TFEB: variants seen among roughly 807,000 people sequenced by gnomAD.
The protein encoded by TFEB is T-cell transcription factor EB.
TFEB carries 12 observed loss-of-function variants against 48.0 expected under a neutral mutation model. The observed-to-expected ratio is 0.25, with a 90% CI of 0.16 to 0.40. The LOEUF (loss-of-function observed/expected upper bound fraction) is 0.40. Ranked by LOEUF, TFEB falls within the 10% of genes least tolerant of loss-of-function variation. The pLI is 1.00. For missense variants in TFEB, 509 were observed against 640.3 expected, an observed-to-expected ratio of 0.79 and a Z score of 2.21; for synonymous variants, 244 against 261.4, an observed-to-expected ratio of 0.93 and a Z score of 0.64.
At chr6:41,687,720 G>A in intron 6 of TFEB, 33 bp downstream of exon 6, 1 of 1,613,832 alleles carries the variant, frequency 6.2e-7, no homozygotes, top group Non-Finnish European at 8.5e-7. Flanking sequence ...ACAAGGAAGA[G>A]GGAGGCAGGG....
chr6:41,719,394 A>C (rs1650923594), intron 1 of TFEB, among the ~76,000 whole-genome samples: 1 of 152,218 alleles, frequency 6.6e-6, no homozygotes, highest in African/African-American at 2.4e-5. Flanking sequence ...CATCCATGGA[A>C]AAACTGTCTT....
At chr6:41,687,241 A>T in intron 6 of TFEB, 72 bp from the exon 7 acceptor site, 1 of 1,473,588 alleles carries the variant, frequency 6.8e-7, no homozygotes, top group Admixed American at 1.7e-5. Context: ...AGAAGTACCC[A>T]GCCCAGGGAG....
At chr6:41,722,011 C>T (rs1342026646) in intron 1 of TFEB, among the ~76,000 whole-genome samples, 1 of 152,176 alleles carries the variant, frequency 6.6e-6, no homozygotes, top group Non-Finnish European at 1.5e-5. Context: ...CAGAGTCTCC[C>T]TCCGTCGTTC....
chr6:41,694,621 ACT>A (rs1163111394), intron 1 of TFEB, among the ~76,000 whole-genome samples: 1 of 151,588 alleles, frequency 6.6e-6, no homozygotes, highest in East Asian at 1.9e-4. Flanking sequence ...ATGCCTACTC[ACT>A]CTAAAATCCT....
chr6:41,704,392 G>T (rs1770097607), intron 1 of TFEB, among the ~76,000 whole-genome samples: 1 of 152,248 alleles, frequency 6.6e-6, no homozygotes, highest in Non-Finnish European at 1.5e-5. Context: ...AAGGATGGCG[G>T]TAATGCCACC....
chr6:41,725,560 T>G (rs919970146), intron 1 of TFEB, among the ~76,000 whole-genome samples: 2 of 152,158 alleles, frequency 1.3e-5, no homozygotes. Context: ...AAGACCAATA[T>G]CACCTTCCAA....
intron 3 of TFEB, among the ~76,000 whole-genome samples, chr6:41,690,394 T>G (rs936786506): frequency 5.3e-5 from 8 of 152,178 alleles, no homozygotes; most frequent in Admixed American, 5.2e-4. Context: ...CCTTCCAAAG[T>G]GCTGGGATTA....
In TFEB at chr6:41,723,111, G is replaced by A. The variant is rs1319017599; in HGVS notation, c.-23+12239C>T. On this transcript the variant is annotated intron_variant, in intron 1 of 8. Transcript: ENST00000373033. The surrounding 1 kb of genome is among the most constrained non-coding windows in gnomAD (Gnocchi z 6.0). ...CATCCTGCCCATGACCTTCTCACTC[G>A]ACCCTTGAAATAAGCCTGGAGAGAT... 5.3e-5 allele frequency among the ~76,000 whole-genome samples: 8 copies of A among 152,050 alleles called. No individual in the cohort carries two copies. The highest frequency in any genetic ancestry group is 2.9e-5 in the Non-Finnish European group (2 of 68,006).
At chr6:41,690,965 G>A (rs1475272283) in intron 2 of TFEB, 36 bp downstream of exon 2, 2 of 1,567,178 alleles carry the variant, frequency 1.3e-6, no homozygotes, top group Non-Finnish European at 1.7e-6. Context: ...GGGACTAGTG[G>A]GGACAGGGTG....
chr6:41,722,105 A>G (rs1771008673), intron 1 of TFEB, among the ~76,000 whole-genome samples: 1 of 152,088 alleles, frequency 6.6e-6, no homozygotes, highest in South Asian at 2.1e-4. Flanking sequence ...TCAGCCACCC[A>G]AGTAGCTGGG....
At chr6:41,689,600 C>T in intron 4 of TFEB, 131 bp downstream of exon 4, 6 of 662,306 alleles carry the variant, frequency 9.1e-6, no homozygotes, top group Middle Eastern at 4.0e-4. Context: ...ATGAAAATGA[C>T]TCATCTCTAC....
intron 1 of TFEB, among the ~76,000 whole-genome samples, chr6:41,701,199 G>C (rs557856313): frequency 2.8e-4 from 42 of 152,174 alleles, no homozygotes; most frequent in Non-Finnish European, 2.6e-4. Context: ...CTCAGCTGCC[G>C]CTTGCAGTCT....
rs1475135579 is a variant in TFEB at position 41,691,794 on chromosome 6, T to A, written c.-22-559A>T. The stretch of plus-strand genomic sequence containing the variant: ...ACCTTCCTCAGGGGAAAAGCTAAAG[T>A]CCTTACCATGACTGGAAAGGCCCCC... On this transcript the variant is annotated intron_variant, in intron 1 of 8. Transcript: ENST00000373033. This position sits in a 1 kb window ranked among gnomAD's most constrained non-coding sequence, Gnocchi z 5.2. Among the ~76,000 whole-genome samples, 2 of 152,110 alleles carry A rather than the reference T, an allele frequency of 1.3e-5. No homozygotes were observed. Among genetic ancestry groups the A allele is most frequent in the African/African-American group, 4.8e-5 (2 of 41,414 alleles).
rs1770918288 is a variant in TFEB, at chr6:41,720,202, C to A, written c.-23+15148G>T. On this transcript the variant is annotated intron_variant, in intron 1 of 8. Coordinates refer to ENST00000373033, the MANE Select transcript of TFEB (RefSeq NM_001271944.2). The surrounding 1 kb of genome is among the most constrained non-coding windows in gnomAD (Gnocchi z 4.1). ...CACCACAGCCCCTTAAGCTGGGACT[C>A]CTGGGGTACTCAATGAAGAGTGGAG... 2.0e-5 allele frequency among the ~76,000 whole-genome samples: 3 copies of A among 152,144 alleles called. No individual in the cohort carries two copies. Among genetic ancestry groups the A allele is most frequent in the African/African-American group, 4.8e-5 (2 of 41,434 alleles).
rs1407295416 is a variant in TFEB, at chr6:41,723,860, G to C, written c.-23+11490C>G. On this transcript the variant is annotated intron_variant, in intron 1 of 8. Transcript: ENST00000373033. This position sits in a 1 kb window ranked among gnomAD's most constrained non-coding sequence, Gnocchi z 6.0. ...CCCTAGGCAGATGGAGAGACACAGA[G>C]CAGCAAGAATTTCGCCAGAGTCCCA... The C allele has an allele frequency of 2.1e-6, 1 of 487,784 alleles. No individual in the cohort carries two copies. Among genetic ancestry groups the C allele is most frequent in the Non-Finnish European group, 4.1e-6 (1 of 244,686 alleles). The allele number at this position is 487,784 out of a possible 1,614,324, so 30.2% of individuals were successfully genotyped here.
Position 41,691,042 on chromosome 6 carries a change from G to A in TFEB, c.172C>T (p.His58Tyr). The change falls in exon 2 of 9, where the codon CAC (histidine) becomes TAC (tyrosine). Residue 58 changes from histidine to tyrosine, a missense_variant. By Grantham distance (83) the His-to-Tyr change is moderately conservative. This residue lies in a region of TFEB where 251 missense variants were observed against 317.2 expected (regional missense o/e 0.79). Transcript: ENST00000373033. This position sits in a 1 kb window ranked among gnomAD's most constrained non-coding sequence, Gnocchi z 5.2. ...GGCACAGGTGGTGGCGACTGGAAGTGGACGGGGGTATTGATGGCCGGGGTG... is the reference window on the plus strand; with the variant it reads ...GGCACAGGTGGTGGCGACTGGAAGTAGACGGGGGTATTGATGGCCGGGGTG... ...PPTPAINTPV[H>Y]FQSPPPVPGE... The A allele has an allele frequency of 5.1e-6, 8 of 1,574,876 alleles. No individual in the cohort carries two copies. The highest frequency in any genetic ancestry group is 6.9e-6 in the Non-Finnish European group (8 of 1,159,094).
In TFEB at chr6:41,730,642, C is replaced by T. The variant is rs555493795; in HGVS notation, c.-23+4708G>A. Among the ~76,000 whole-genome samples the T allele has an allele frequency of 2.0e-5, 3 of 152,366 alleles. No individual in the cohort carries two copies. Among genetic ancestry groups the T allele is most frequent in the East Asian group, 3.9e-4 (2 of 5,188 alleles). ...TCTCACCCACGGCTTTGCCATTTCA[C>T]AGCAAAGCATTTCCTGTGGGCATGA... On this transcript the variant is annotated intron_variant, in intron 1 of 8. Coordinates refer to ENST00000373033, the MANE Select transcript of TFEB (RefSeq NM_001271944.2). The surrounding 1 kb of genome is among the most constrained non-coding windows in gnomAD (Gnocchi z 4.1).
At chr6:41,714,907 C>T (rs1018444167) in intron 1 of TFEB, among the ~76,000 whole-genome samples, 6 of 152,196 alleles carry the variant, frequency 3.9e-5, no homozygotes, top group Admixed American at 2.0e-4. Flanking sequence ...AAATGTCAGA[C>T]GACAAGGAGC....
intron 1 of TFEB, chr6:41,733,584 A>AGGAGGCAGACGGAGAGAAG (rs1448055673): frequency 1.0e-6 from 1 of 983,150 alleles, no homozygotes; most frequent in African/African-American, 1.7e-5. Context: ...CCCCGCGGCC[A>AGGAGGCAGACGGAGAGAAG]GGAGGCAGAC....
Sources: allele counts gnomAD v4.1 joint callset (sites outside exome capture counted in the v4.1 genomes callset), GRCh38; gene constraint gnomAD v4.1.1; regional missense constraint gnomAD v4.1.1; non-coding constraint Gnocchi (gnomAD v3.1); transcripts MANE v1.5; gene names NCBI Gene and HGNC (gene_info 2026-07-23, HGNC 2026-07-21).